The following ITGB1 variants were observed in gnomAD, a reference collection of about 807,000 sequenced individuals.
ITGB1 encodes integrin beta-1.
In ITGB1, 24 loss-of-function variants were observed where a neutral mutation model predicts 86.5. The ratio of observed to expected loss-of-function variants is 0.28; its 90% CI spans 0.20 to 0.39. The LOEUF is 0.39. ITGB1 is among the 10% of genes least tolerant of loss of function. The probability of loss-of-function intolerance (pLI) is 1.00; values close to 1 mark genes in which losing one functional copy is unlikely to be tolerated. For synonymous variants in ITGB1, 323 were observed against 316.8 expected, an observed-to-expected ratio of 1.02 and a Z score of -0.21; for missense variants, 556 against 946.9, an observed-to-expected ratio of 0.59 and a Z score of 5.42.
chr10:32,939,452 T>C (rs2095012522), intron 1 of ITGB1, among the ~76,000 whole-genome samples: 2 of 152,166 alleles, frequency 1.3e-5, no homozygotes, highest in Admixed American at 1.3e-4. Context: ...ACAGTGCACT[T>C]ACACAAACCG....
At chr10:32,928,029 A>G in intron 5 of ITGB1, 65 bp downstream of exon 5, 1 of 929,758 alleles carries the variant, frequency 1.1e-6, no homozygotes, top group East Asian at 2.6e-5. Flanking sequence ...AATAAAATAT[A>G]AAACAACATT....
chr10:32,939,722 A>AGTG (rs2095013315), intron 1 of ITGB1, among the ~76,000 whole-genome samples: 8 of 149,774 alleles, frequency 5.3e-5, no homozygotes, highest in African/African-American at 2.0e-4. Context: ...CTGGGTGGGT[A>AGTG]AGTGAGTGAG....
chr10:32,921,148 C>A (rs547500772), intron 9 of ITGB1, among the ~76,000 whole-genome samples: 16 of 138,364 alleles, frequency 1.2e-4, no homozygotes, highest in Admixed American at 3.9e-4. Flanking sequence ...GCTTAAGGAA[C>A]CATTGTAGCC....
chr10:32,905,386 G>C (rs2094893246), intron 15 of ITGB1, among the ~76,000 whole-genome samples: 1 of 152,184 alleles, frequency 6.6e-6, no homozygotes, highest in Admixed American at 6.5e-5. Context: ...CACAACAACA[G>C]CACTGGGTTC....
intron 11 of ITGB1, among the ~76,000 whole-genome samples, chr10:32,918,562 GT>G (rs1442609833): frequency 5.3e-5 from 8 of 152,092 alleles, no homozygotes; most frequent in African/African-American, 1.9e-4. Context: ...AGCCACTCAA[GT>G]TCATATGGAA....
intron 11 of ITGB1, among the ~76,000 whole-genome samples, chr10:32,915,197 C>A (rs1213149132): frequency 6.6e-6 from 1 of 152,064 alleles, no homozygotes; most frequent in Non-Finnish European, 1.5e-5. Flanking sequence ...GCACTAAATG[C>A]CCACAAGAGA....
chr10:32,948,684 C>T (rs948982011), intron 1 of ITGB1, among the ~76,000 whole-genome samples: 2 of 152,134 alleles, frequency 1.3e-5, no homozygotes, highest in African/African-American at 2.4e-5. Context: ...TGGCCTCCTT[C>T]TCTTCTCTCA....
chr10:32,929,973 G>T lies in ITGB1; in HGVS notation c.225C>A (p.Cys75Ter). 8.2e-7 allele frequency: 1 copy of T among 1,225,676 alleles called. No individual in the cohort carries two copies. Among genetic ancestry groups the T allele is most frequent in the Non-Finnish European group, 1.2e-6 (1 of 824,806 alleles). 75.9% of individuals were successfully genotyped at this position (1,225,676 alleles called of 1,614,324 possible). ...TGGGATTTTCTATGTCATCTGGAGG[G>T]CAACCCTTCTTTTTTAAGGCTTCTA... ...DDLEALKKKG[C>*]PPDDIENPRG... Residue 75 changes from cysteine (C) to a stop codon, truncating the protein, a stop_gained, in exon 4 of 16, where the codon TGC becomes TGA. Coordinates refer to ENST00000302278, the MANE Select transcript of ITGB1 (RefSeq NM_002211.4). LOFTEE classifies it high-confidence loss of function.
chr10:32,933,463 T>A (rs937292823), intron 2 of ITGB1: 1 of 152,228 alleles, frequency 6.6e-6, no homozygotes, highest in Non-Finnish European at 1.5e-5. Context: ...AAGTATGTTT[T>A]AGGTTTCTTT....
At chr10:32,912,338 C>T (rs914777774) in intron 11 of ITGB1, among the ~76,000 whole-genome samples, 14 of 152,254 alleles carry the variant, frequency 9.2e-5, no homozygotes, top group African/African-American at 2.2e-4. Flanking sequence ...CGAAGCAGGG[C>T]GGGGCATCGC....
chr10:32,953,128 C>T (rs749675985), intron 1 of ITGB1, among the ~76,000 whole-genome samples: 1 of 152,210 alleles, frequency 6.6e-6, no homozygotes, highest in Non-Finnish European at 1.5e-5. Flanking sequence ...TGTCATCCAA[C>T]CTTCGCTCAT....
At chr10:32,955,574 CAAG>C (rs911182580) in intron 1 of ITGB1, 17 of 152,182 alleles carry the variant, frequency 1.1e-4, no homozygotes, top group African/African-American at 4.1e-4. Context: ...ACTTACTTAT[CAAG>C]AAGCCAAACA....
At chr10:32,902,720 T>C (rs577276828) in intron 15 of ITGB1, among the ~76,000 whole-genome samples, 1 of 152,360 alleles carries the variant, frequency 6.6e-6, no homozygotes, top group South Asian at 2.1e-4. Context: ...TTTTTTGATC[T>C]AAAAGTAATT....
At chr10:32,905,159 T>C (rs1290504357) in intron 15 of ITGB1, among the ~76,000 whole-genome samples, 2 of 152,092 alleles carry the variant, frequency 1.3e-5, no homozygotes, top group African/African-American at 4.8e-5. Context: ...CTAATACAAA[T>C]ATGTACCAAC....
intron 3 of ITGB1, among the ~76,000 whole-genome samples, chr10:32,931,941 A>G (rs917977129): frequency 6.6e-6 from 1 of 152,122 alleles, no homozygotes; most frequent in African/African-American, 2.4e-5. Flanking sequence ...GAGATGACAA[A>G]AGTGAATAAA....
intron 1 of ITGB1, among the ~76,000 whole-genome samples, chr10:32,948,565 G>A (rs112039235): frequency 6.6e-6 from 1 of 152,128 alleles, no homozygotes; most frequent in South Asian, 2.1e-4. Flanking sequence ...ACAGTGATGA[G>A]AGGTGGGACT....
At chr10:32,928,732 T>C (rs1337389049) in intron 4 of ITGB1, among the ~76,000 whole-genome samples, 1 of 151,084 alleles carries the variant, frequency 6.6e-6, no homozygotes, top group Non-Finnish European at 1.5e-5. Context: ...TTAAAAATAA[T>C]TATTTATTTA....
At chr10:32,952,889 G>C (rs546141519) in intron 1 of ITGB1, among the ~76,000 whole-genome samples, 1 of 152,154 alleles carries the variant, frequency 6.6e-6, no homozygotes, top group South Asian at 2.1e-4. Context: ...ATAATATAGT[G>C]TTATTTCTAT....
At chr10:32,913,714 A>G (rs1453662467) in intron 11 of ITGB1, among the ~76,000 whole-genome samples, 1 of 152,250 alleles carries the variant, frequency 6.6e-6, no homozygotes, top group African/African-American at 2.4e-5. Context: ...AGTGACAGGG[A>G]GAATGGAACC....
Sources: allele counts gnomAD v4.1 joint callset (sites outside exome capture counted in the v4.1 genomes callset), GRCh38; gene constraint gnomAD v4.1.1; transcripts MANE v1.5; gene names NCBI Gene and HGNC (gene_info 2026-07-23, HGNC 2026-07-21).